The following BLK variants were observed in gnomAD, a reference collection of about 807,000 sequenced individuals.
BLK encodes the protein BLK proto-oncogene, Src family tyrosine kinase, also known as tyrosine-protein kinase Blk.
Under a neutral mutation model 61.8 loss-of-function variants are expected in BLK, and 64 were observed. The ratio of observed to expected loss-of-function variants is 1.03; its 90% CI spans 0.85 to 1.27. The LOEUF (loss-of-function observed/expected upper bound fraction) is 1.27. BLK is among the 50% of genes most tolerant of loss of function. BLK has a pLI of 0.00. For synonymous variants in BLK, 351 were observed against 272.0 expected, an observed-to-expected ratio of 1.29 and a Z score of -2.86; for missense variants, 853 against 660.5, an observed-to-expected ratio of 1.29 and a Z score of -3.19.
chr8:11,502,976 A>C (rs200072881), intron 1 of BLK, among the ~76,000 whole-genome samples: 3 of 152,306 alleles, frequency 2.0e-5, no homozygotes, highest in East Asian at 3.9e-4. Context: ...CCCCACTCGC[A>C]AAACGGCTAC....
At chr8:11,555,709 C>G (rs972997368) in intron 8 of BLK, 10 of 675,038 alleles carry the variant, frequency 1.5e-5, no homozygotes, top group East Asian at 2.9e-5. Context: ...GGAACAGAAT[C>G]CAGCTCACCC....
intron 6 of BLK, among the ~76,000 whole-genome samples, chr8:11,550,672 G>A (rs2117501696): frequency 6.6e-6 from 1 of 152,366 alleles, no homozygotes; most frequent in South Asian, 2.1e-4. Context: ...GGTAGCATAT[G>A]TTAGGAAGTG....
At chr8:11,543,819 T>TGAGGAAAACTTTCCA (rs1354764004) in intron 2 of BLK, among the ~76,000 whole-genome samples, 4 of 152,026 alleles carry the variant, frequency 2.6e-5, no homozygotes, top group African/African-American at 9.7e-5. Flanking sequence ...GCATTTTAAA[T>TGAGGAAAACTTTCCA]GAGGAAAACT....
chr8:11,523,642 A>G (rs1013012446), intron 1 of BLK, among the ~76,000 whole-genome samples: 2 of 152,250 alleles, frequency 1.3e-5, no homozygotes, highest in Non-Finnish European at 2.9e-5. Context: ...AAAATTACAC[A>G]TATTTATCAC....
chr8:11,546,782 G>A (rs528854230), intron 3 of BLK, among the ~76,000 whole-genome samples: 1 of 152,286 alleles, frequency 6.6e-6, no homozygotes, highest in East Asian at 1.9e-4. Flanking sequence ...CACCATGTTG[G>A]CCAGATTGGT....
chr8:11,547,127 G>A (rs1800683005), intron 3 of BLK, among the ~76,000 whole-genome samples: 2 of 152,244 alleles, frequency 1.3e-5, no homozygotes, highest in Non-Finnish European at 2.9e-5. Context: ...GCCCAGCTCT[G>A]TCCCAGGAAT....
At position 11,496,140 on chromosome 8, in the gene BLK, G is replaced by A. The variant is rs552185293; in HGVS notation, c.-2+1549G>A. On this transcript the variant is annotated intron_variant, in intron 1 of 12. Transcript: ENST00000259089. ...CTCTCCCAACCCCTACCTGATTCCA[G>A]AATAGCTCTGTATTTGCCTCTCTTC... Among the ~76,000 whole-genome samples the A allele has an allele frequency of 3.9e-5, 6 of 152,288 alleles. No homozygotes were observed. In the East Asian group the frequency reaches 1.2e-3, roughly 29 times the overall value.
Position 11,563,888 on chromosome 8 carries a change from TCTC to T in BLK, c.1313-11_1313-9del. ...CCCAGCCCCTCACCCCCGCTTGCGG[TCTC>T]CTCTGCCGCAGGGATGAGCAACCCC... On this transcript the variant is annotated splice_polypyrimidine_tract_variant and intron_variant, in intron 12 of 12. Transcript: ENST00000259089. 1.9e-6 allele frequency: 3 copies of T among 1,605,378 alleles called. No homozygotes were observed. Among genetic ancestry groups the T allele is most frequent in the Non-Finnish European group, 8.5e-7 (1 of 1,177,820 alleles).
At chr8:11,520,996 G>C (rs1363491326) in intron 1 of BLK, among the ~76,000 whole-genome samples, 1 of 152,072 alleles carries the variant, frequency 6.6e-6, no homozygotes, top group Non-Finnish European at 1.5e-5. Flanking sequence ...TCAGAAAAAT[G>C]AATGAGAAAG....
At chr8:11,528,843 C>A (rs144395554) in intron 1 of BLK, among the ~76,000 whole-genome samples, 1 of 152,116 alleles carries the variant, frequency 6.6e-6, no homozygotes, top group Non-Finnish European at 1.5e-5. Context: ...AGCAAACTAA[C>A]GCAGGAACAT....
chr8:11,555,510 T>G, intron 8 of BLK, 26 bp downstream of exon 8: 1 of 1,613,820 alleles, frequency 6.2e-7, no homozygotes, highest in Non-Finnish European at 8.5e-7. Context: ...CGTGGGAGCA[T>G]TTCTCCCCCC....
chr8:11,535,352 A>C (rs1216045496), intron 1 of BLK, among the ~76,000 whole-genome samples: 1 of 151,768 alleles, frequency 6.6e-6, no homozygotes, highest in African/African-American at 2.4e-5. Context: ...GAAGGAAGGA[A>C]AGGAAAGGAA....
At chr8:11,495,418 G>A (rs989603344) in intron 1 of BLK, among the ~76,000 whole-genome samples, 1 of 152,182 alleles carries the variant, frequency 6.6e-6, no homozygotes, top group Non-Finnish European at 1.5e-5. Flanking sequence ...GTATGGAAAG[G>A]GAGAAATAGT....
At chr8:11,516,386 G>A (rs574518939) in intron 1 of BLK, among the ~76,000 whole-genome samples, 113 of 152,252 alleles carry the variant, frequency 7.4e-4, no homozygotes, top group African/African-American at 2.5e-3. Flanking sequence ...TGGGTCTCAC[G>A]ACCGCCCTTC....
intron 11 of BLK, among the ~76,000 whole-genome samples, chr8:11,562,302 C>G (rs113920491): frequency 0.011 from 1,603 of 152,232 alleles, 13 homozygotes; most frequent in African/African-American, 0.024. Context: ...GAAGGGGTCA[C>G]ATATATTTAT....
At chr8:11,521,810 C>A (rs1799463150) in intron 1 of BLK, among the ~76,000 whole-genome samples, 1 of 152,214 alleles carries the variant, frequency 6.6e-6, no homozygotes, top group African/African-American at 2.4e-5. Context: ...TCCGTTCCAT[C>A]TTCATTACTG....
intron 1 of BLK, among the ~76,000 whole-genome samples, chr8:11,527,179 A>G (rs984525069): frequency 6.6e-6 from 1 of 152,182 alleles, no homozygotes; most frequent in Non-Finnish European, 1.5e-5. Context: ...ACAAAACTCA[A>G]CACACCAAAG....
intron 1 of BLK, among the ~76,000 whole-genome samples, chr8:11,540,857 GAAA>G (rs5889375): frequency 1.4e-5 from 2 of 143,820 alleles, no homozygotes; most frequent in Non-Finnish European, 3.0e-5. Flanking sequence ...CAAGAAGATA[GAAA>G]AAAAAAAAAA....
intron 1 of BLK, among the ~76,000 whole-genome samples, chr8:11,501,463 G>A (rs1418074314): frequency 6.6e-6 from 1 of 151,962 alleles, no homozygotes; most frequent in Non-Finnish European, 1.5e-5. Flanking sequence ...GCACACTGGG[G>A]GAAGTGTGAG....
Sources: allele counts gnomAD v4.1 joint callset (sites outside exome capture counted in the v4.1 genomes callset), GRCh38; gene constraint gnomAD v4.1.1; transcripts MANE v1.5; gene names NCBI Gene and HGNC (gene_info 2026-07-23, HGNC 2026-07-21).